LRP1: variants seen among roughly 807,000 people sequenced by gnomAD.
The protein encoded by LRP1 is prolow-density lipoprotein receptor-related protein 1.
In LRP1, 51 loss-of-function variants were observed where a neutral mutation model predicts 541.5. That is an observed-to-expected ratio of 0.09 (90% CI 0.08 to 0.12). The LOEUF is 0.12. LRP1 is among the 10% of genes least tolerant of loss of function. LRP1 has a pLI of 1.00. For synonymous variants in LRP1, 2,219 were observed against 2,470.8 expected (o/e 0.90, Z 3.02); for missense variants, 3,878 against 6,376.2 (o/e 0.61, Z 13.34).
intron 11 of LRP1, 59 bp from the exon 12 acceptor site, chr12:57,159,766 G>A (rs933416602): frequency 6.3e-7 from 1 of 1,574,960 alleles, no homozygotes; most frequent in Admixed American, 1.7e-5. Flanking sequence ...AGGGCCAGAG[G>A]CAGGCAGCTT....
chr12:57,162,601 G>A lies in LRP1; in HGVS notation c.2404+83G>A. ...ATTGATTTGAGACTTCCCTGGGAGT[G>A]AAGGCACTTCCCAGGGATCCTAGGC... is the stretch of plus-strand genomic sequence containing the variant. On this transcript the variant is annotated intron_variant, in intron 14 of 88. Coordinates refer to ENST00000243077, the MANE Select transcript of LRP1 (RefSeq NM_002332.3). This position sits in a 1 kb window ranked among gnomAD's most constrained non-coding sequence, Gnocchi z 5.2. The A allele has an allele frequency of 8.1e-6, 12 of 1,481,720 alleles. No individual in the cohort carries two copies. Among genetic ancestry groups the A allele is most frequent in the Non-Finnish European group, 1.1e-5 (12 of 1,074,974 alleles). 91.8% of individuals were successfully genotyped at this position (1,481,720 alleles called of 1,614,324 possible).
rs1210832021 is a variant in LRP1, at chr12:57,201,654, C to A, written c.10468+35C>A. On this transcript the variant is annotated intron_variant, in intron 66 of 88. Coordinates refer to ENST00000243077, the MANE Select transcript of LRP1 (RefSeq NM_002332.3). The surrounding 1 kb of genome is among the most constrained non-coding windows in gnomAD (Gnocchi z 6.4). The stretch of plus-strand genomic sequence containing the variant: ...CTGGCCTGGAGCCCAGCTTCCCTCC[C>A]CAGTGTCTGCTGCTCACACCACCCC... 2 of 1,603,544 alleles carry A rather than the reference C, an allele frequency of 1.2e-6. No homozygotes were observed. The highest frequency in any genetic ancestry group is 2.7e-5 in the African/African-American group (2 of 74,764).
In LRP1 at chr12:57,177,519, C is replaced by A. The variant is rs1274413211; in HGVS notation, c.4289C>A (p.Thr1430Asn). The A allele has an allele frequency of 6.2e-7, 1 of 1,613,944 alleles. No individual in the cohort carries two copies. The highest frequency in any genetic ancestry group is 8.5e-7 in the Non-Finnish European group (1 of 1,180,008). Residue 1430 changes from threonine to asparagine, a missense_variant, in exon 26 of 89, where the codon ACC (threonine) becomes AAC (asparagine). Thr to Asn is a moderately conservative substitution (Grantham distance 65). Coordinates refer to ENST00000243077, the MANE Select transcript of LRP1 (RefSeq NM_002332.3). This position sits in a 1 kb window ranked among gnomAD's most constrained non-coding sequence, Gnocchi z 6.8. Reference protein sequence around the residue: ...GAGRRTVHRETGSGGWPNGLT... With the variant: ...GAGRRTVHRENGSGGWPNGLT... ...GGGCGCCGCACCGTGCACCGGGAGA[C>A]CGGCTCTGGGGGCTGGCCCAACGGG...
At chr12:57,191,177 C>T (rs1477378185) in intron 43 of LRP1, 143 bp from the exon 44 acceptor site, 8 of 1,101,226 alleles carry the variant, frequency 7.3e-6, no homozygotes, top group Admixed American at 6.8e-5. Flanking sequence ...GCTTGCTCCT[C>T]ATCAGCTAGA....
In LRP1 at chr12:57,212,799, C is replaced by T; in HGVS notation, c.*244C>T. 2.0e-6 allele frequency: 1 copy of T among 488,356 alleles called. No homozygotes were observed. Among genetic ancestry groups the T allele is most frequent in the Non-Finnish European group, 3.6e-6 (1 of 275,968 alleles). 30.3% of individuals were successfully genotyped at this position (488,356 alleles called of 1,614,324 possible). A position where few individuals can be genotyped will look rare whatever the true frequency, so the allele number is the denominator to read the frequency against. On this transcript the variant is annotated 3_prime_UTR_variant, in exon 89 of 89. Transcript: ENST00000243077. The surrounding 1 kb of genome is among the most constrained non-coding windows in gnomAD (Gnocchi z 5.0). Reference sequence around the variant, plus strand: ...CCTTCAGGGAGACAGGCAGGGAGGGCTTGGGGCTGCACCTCCTACCCTCCC... The same window carrying T: ...CCTTCAGGGAGACAGGCAGGGAGGGTTTGGGGCTGCACCTCCTACCCTCCC...
chr12:57,190,696 C>A, intron 42 of LRP1, 109 bp from the exon 43 acceptor site: 1 of 969,372 alleles, frequency 1.0e-6, no homozygotes, highest in Non-Finnish European at 1.6e-6. Context: ...TCTGGGGTGG[C>A]TTTGCCCTGG....
At position 57,187,388 on chromosome 12, in the gene LRP1, G is replaced by A. The variant is rs1173067289; in HGVS notation, c.6963G>A (p.Glu2321=). 6.2e-7 allele frequency: 1 copy of A among 1,614,182 alleles called. No homozygotes were observed. The change falls in exon 42 of 89, where the codon GAG becomes GAA. Residue 2321 remains glutamate (E), a synonymous_variant. Transcript: ENST00000243077. ...TVDQTRPGAF[E]RETVITMSGD... is the part of the protein sequence containing the mutation. Reference sequence around the variant, plus strand: ...ACCAGACCCGCCCAGGGGCCTTCGAGCGTGAGACCGTCATCACTATGTCTG... The same window carrying A: ...ACCAGACCCGCCCAGGGGCCTTCGAACGTGAGACCGTCATCACTATGTCTG...
chr12:57,152,795 T>G (rs1330301984), intron 6 of LRP1, among the ~76,000 whole-genome samples: 1 of 152,144 alleles, frequency 6.6e-6, no homozygotes, highest in Non-Finnish European at 1.5e-5. Flanking sequence ...GAAACTAGTT[T>G]GATGAAGCCC....
In LRP1 at chr12:57,156,338, G is replaced by A; in HGVS notation, c.1417+55G>A. On this transcript the variant is annotated intron_variant, in intron 9 of 88. Transcript: ENST00000243077. The surrounding 1 kb of genome is among the most constrained non-coding windows in gnomAD (Gnocchi z 5.2). ...CTGGCTTTACCCCATGATGGCTCTG[G>A]GACCTTGGGATCACAGCCCCTCTCT... 1 of 1,555,214 alleles carries A rather than the reference G, an allele frequency of 6.4e-7. No homozygotes were observed. Among genetic ancestry groups the A allele is most frequent in the East Asian group, 2.3e-5 (1 of 44,184 alleles).
At chr12:57,152,628 C>A (rs575033861) in intron 6 of LRP1, among the ~76,000 whole-genome samples, 1 of 152,362 alleles carries the variant, frequency 6.6e-6, no homozygotes, top group Non-Finnish European at 1.5e-5. Context: ...ACTCTTCCCC[C>A]TCTCTCCAAT....
In LRP1 at chr12:57,211,392, CT is replaced by C. The variant is rs776095669; in HGVS notation, c.13091+43del. ...TCCACAGTTCCACCCAGCTGGGCCC[CT>C]GCCCTGTCCTAGCCCTGCCCTGCCC... On this transcript the variant is annotated intron_variant, in intron 84 of 88. Coordinates refer to ENST00000243077, the MANE Select transcript of LRP1 (RefSeq NM_002332.3). The surrounding 1 kb of genome is among the most constrained non-coding windows in gnomAD (Gnocchi z 4.3). The C allele has an allele frequency of 6.2e-7, 1 of 1,610,448 alleles. No homozygotes were observed. Among genetic ancestry groups the C allele is most frequent in the Non-Finnish European group, 8.5e-7 (1 of 1,178,760 alleles).
chr12:57,190,740 G>T, intron 42 of LRP1, 65 bp from the exon 43 acceptor site: 1 of 1,502,300 alleles, frequency 6.7e-7, no homozygotes, highest in Non-Finnish European at 9.2e-7. Context: ...TACGCGTCCT[G>T]GCCTGTGCCC....
intron 1 of LRP1, among the ~76,000 whole-genome samples, chr12:57,132,782 A>G (rs938007184): frequency 6.6e-6 from 1 of 151,772 alleles, no homozygotes; most frequent in Non-Finnish European, 1.5e-5. Context: ...GCCTGTCTCC[A>G]TTTACCCCCA....
In LRP1 at chr12:57,178,563, C is replaced by T. The variant is rs754885879; in HGVS notation, c.4566C>T (p.Pro1522=). The change falls in exon 27 of 89, where the codon CCC becomes CCT. Residue 1522 remains proline, a synonymous_variant. Transcript: ENST00000243077. The surrounding 1 kb of genome is among the most constrained non-coding windows in gnomAD (Gnocchi z 5.8). Reference sequence around the variant, plus strand: ...TGGTACAGAGGACCAACACCCAGCCCTTTGACCTGCAGGTGTACCACCCCT... The same window carrying T: ...TGGTACAGAGGACCAACACCCAGCCTTTTGACCTGCAGGTGTACCACCCCT... ...VTVVQRTNTQ[P]FDLQVYHPSR... is the part of the protein sequence containing the mutation. 9 of 1,614,232 alleles carry T rather than the reference C, an allele frequency of 5.6e-6. No homozygotes were observed. The highest frequency in any genetic ancestry group is 7.6e-6 in the Non-Finnish European group (9 of 1,180,036).
At chr12:57,146,605 A>T (rs2035411886) in intron 6 of LRP1, 1 of 152,182 alleles carries the variant, frequency 6.6e-6, no homozygotes, top group African/African-American at 2.4e-5. Context: ...GGTGGCGAGC[A>T]GGGGTTCCTC....
At chr12:57,188,397 C>A (rs2136715345) in intron 42 of LRP1, among the ~76,000 whole-genome samples, 1 of 152,314 alleles carries the variant, frequency 6.6e-6, no homozygotes, top group South Asian at 2.1e-4. Flanking sequence ...ACGTGAGTGT[C>A]CCGAACCCAG....
At chr12:57,168,784 T>G (rs1348682842) in intron 19 of LRP1, among the ~76,000 whole-genome samples, 2 of 151,914 alleles carry the variant, frequency 1.3e-5, no homozygotes, top group Non-Finnish European at 2.9e-5. Flanking sequence ...CCCACCTACC[T>G]CTCTCCCTCC....
At chr12:57,176,188 C>G in intron 24 of LRP1, 82 bp downstream of exon 24, 1 of 1,429,948 alleles carries the variant, frequency 7.0e-7, no homozygotes, top group Non-Finnish European at 9.7e-7. Flanking sequence ...TCCAAGTGGC[C>G]CCAAAGCAGA....
Position 57,212,403 on chromosome 12 carries a change from G to A in LRP1, c.13495-12G>A, listed in dbSNP as rs775895335. The A allele has an allele frequency of 4.3e-6, 7 of 1,614,034 alleles. No homozygotes were observed. Among genetic ancestry groups the A allele is most frequent in the Admixed American group, 1.7e-5 (1 of 60,016 alleles). On this transcript the variant is annotated splice_polypyrimidine_tract_variant and intron_variant, in intron 88 of 88. Coordinates refer to ENST00000243077, the MANE Select transcript of LRP1 (RefSeq NM_002332.3). This position sits in a 1 kb window ranked among gnomAD's most constrained non-coding sequence, Gnocchi z 5.0. ...CTCCTGAGCCCTACCTGAACCCTCT[G>A]TCACCCTGCAGCCCACCAACTTCAC...
Sources: allele counts gnomAD v4.1 joint callset (sites outside exome capture counted in the v4.1 genomes callset), GRCh38; gene constraint gnomAD v4.1.1; non-coding constraint Gnocchi (gnomAD v3.1); transcripts MANE v1.5; gene names NCBI Gene and HGNC (gene_info 2026-07-23, HGNC 2026-07-21).